FAM161A: variants seen among roughly 807,000 people sequenced by gnomAD.
The protein encoded by FAM161A is FAM161 centrosomal protein A, also known as protein FAM161A.
In FAM161A, 57 loss-of-function variants were observed where a neutral mutation model predicts 70.9. The observed-to-expected ratio is 0.80, with a 90% CI of 0.65 to 1.00. The LOEUF (loss-of-function observed/expected upper bound fraction) is 1.00, where lower values mean the gene tolerates loss of function less well. Ranked by LOEUF, FAM161A falls within the 50% of genes least tolerant of loss-of-function variation. The pLI, the probability that FAM161A is intolerant of heterozygous loss-of-function variation, is 0.00. For missense variants in FAM161A, 880 were observed against 836.0 expected (o/e 1.05, Z -0.65); for synonymous variants, 299 against 295.7 (o/e 1.01, Z -0.12).
intron 6 of FAM161A, 52 bp from the exon 7 acceptor site, chr2:61,826,651 G>A (rs576190170): frequency 1.3e-6 from 2 of 1,521,120 alleles, no homozygotes; most frequent in East Asian, 2.3e-5. Flanking sequence ...TTGGTTTAAA[G>A]GTAAACAAAC....
chr2:61,804,637 A>G, the FAM161A span, among the ~76,000 whole-genome samples: 1 of 151,762 alleles, frequency 6.6e-6, no homozygotes, highest in Non-Finnish European at 1.5e-5. Context: ...GTGAGCCAAC[A>G]TTGCAACACT....
At chr2:61,840,945 C>A (rs553892269) in intron 2 of FAM161A, among the ~76,000 whole-genome samples, 14 of 152,288 alleles carry the variant, frequency 9.2e-5, no homozygotes, top group African/African-American at 3.4e-4. Flanking sequence ...CCACTGTGCC[C>A]AGCCAAGAGT....
intron 4 of FAM161A, among the ~76,000 whole-genome samples, chr2:61,838,329 T>A (rs1046401729): frequency 6.6e-6 from 1 of 152,226 alleles, no homozygotes; most frequent in Non-Finnish European, 1.5e-5. Flanking sequence ...CATAGCTTCA[T>A]GGTTCTCACC....
intron 1 of FAM161A, among the ~76,000 whole-genome samples, chr2:61,845,226 A>C (rs1329554859): frequency 6.6e-6 from 1 of 152,184 alleles, no homozygotes; most frequent in East Asian, 1.9e-4. Context: ...AAGGAGGACT[A>C]ATAGGAGGTA....
At position 61,840,425 on chromosome 2, in the gene FAM161A, G is replaced by A. The variant is rs370002781; in HGVS notation, c.579C>T (p.Thr193=). ...KEYPRKNRMM[T]YAKELINNMW... ...TATTGTTGATGAGCTCCTTAGCATA[G>A]GTCATCATTCTGTTTTTCCTAGGAT... The change falls in exon 3 of 7, where the codon ACC becomes ACT. Residue 193 remains threonine (T), a synonymous_variant. Transcript: ENST00000404929. 6 of 1,613,932 alleles carry A rather than the reference G, an allele frequency of 3.7e-6. No homozygotes were observed. The African/African-American group carries it at 8.0e-5, about 22-fold the overall frequency.
the FAM161A span, among the ~76,000 whole-genome samples, chr2:61,808,896 C>G: frequency 6.6e-6 from 1 of 151,486 alleles, no homozygotes; most frequent in Non-Finnish European, 1.5e-5. Context: ...TTTTTTGAGA[C>G]AGAATCTCGC....
At chr2:61,843,603 G>C (rs901960133) in intron 1 of FAM161A, among the ~76,000 whole-genome samples, 5 of 152,082 alleles carry the variant, frequency 3.3e-5, no homozygotes, top group Non-Finnish European at 5.9e-5. Flanking sequence ...GATGCAAAAT[G>C]AAAAAATTTG....
chr2:61,853,754 G>T (rs745790475), intron 1 of FAM161A, 105 bp downstream of exon 1: 58 of 1,290,544 alleles, frequency 4.5e-5, no homozygotes, highest in Non-Finnish European at 5.5e-5. Context: ...TGTGCACAGG[G>T]ACCCGCGTTT....
the FAM161A span, among the ~76,000 whole-genome samples, chr2:61,814,591 T>C: frequency 6.6e-6 from 1 of 152,204 alleles, no homozygotes; most frequent in Admixed American, 6.5e-5. Context: ...GATGTGCAGC[T>C]GTAATCCCAG....
chr2:61,815,955 G>A, the FAM161A span, among the ~76,000 whole-genome samples: 2 of 151,816 alleles, frequency 1.3e-5, no homozygotes, highest in African/African-American at 2.4e-5. Flanking sequence ...CCTTTTTTCT[G>A]TGTCTTGCAA....
chr2:61,816,672 T>G, the FAM161A span, among the ~76,000 whole-genome samples: 13 of 152,036 alleles, frequency 8.6e-5, no homozygotes, highest in Admixed American at 7.2e-4. Flanking sequence ...GGTCTTGCTA[T>G]GTTGCCCAGG....
chr2:61,839,310 A>C (rs752507870), intron 3 of FAM161A, 111 bp downstream of exon 3: 90 of 895,030 alleles, frequency 1.0e-4, no homozygotes, highest in Admixed American at 3.0e-4. Flanking sequence ...TATCTTATAG[A>C]TACAATAATA....
chr2:61,804,616 T>C, the FAM161A span, among the ~76,000 whole-genome samples: 1 of 149,252 alleles, frequency 6.7e-6, no homozygotes, highest in Admixed American at 6.8e-5. Context: ...ACCTGGGAGG[T>C]GGAGATTGCA....
intron 6 of FAM161A, among the ~76,000 whole-genome samples, chr2:61,826,816 G>A (rs1007056265): frequency 6.6e-6 from 1 of 152,166 alleles, no homozygotes; most frequent in African/African-American, 2.4e-5. Flanking sequence ...AAATTTGAGT[G>A]ATTGTTTCTT....
At chr2:61,816,403 G>C in the FAM161A span, among the ~76,000 whole-genome samples, 2 of 152,112 alleles carry the variant, frequency 1.3e-5, no homozygotes, top group Non-Finnish European at 2.9e-5. Flanking sequence ...TGGTGGTTTG[G>C]GGAGTTAGGA....
At chr2:61,807,216 C>T in the FAM161A span, among the ~76,000 whole-genome samples, 1 of 151,746 alleles carries the variant, frequency 6.6e-6, no homozygotes, top group Admixed American at 6.6e-5. Context: ...GTAACAAAAG[C>T]CCAGACAACG....
At chr2:61,814,445 G>A in the FAM161A span, among the ~76,000 whole-genome samples, 82 of 152,320 alleles carry the variant, frequency 5.4e-4, 1 homozygote, top group African/African-American at 1.9e-3. Flanking sequence ...GTTATGCTCA[G>A]ACAACTGTTA....
Position 61,839,812 on chromosome 2 carries a change from G to C in FAM161A, c.1192C>G (p.Leu398Val), listed in dbSNP as rs1672935808. Residue 398 changes from leucine (L) to valine (V), a missense_variant, in exon 3 of 7, where the codon CTG (leucine) becomes GTG (valine). By Grantham distance (32) the Leu-to-Val change is conservative. Coordinates refer to ENST00000404929, the MANE Select transcript of FAM161A (RefSeq NM_001201543.2). The stretch of plus-strand genomic sequence containing the variant: ...CATCCACAAGCTGACCTACAAGGCA[G>C]AGGAGATGAGTTCTGTAAATGCTCC... ...AQEHLQNSSP[L>V]PCRSACGCRN... is the part of the protein sequence containing the mutation. The C allele has an allele frequency of 6.2e-7, 1 of 1,614,086 alleles. No individual in the cohort carries two copies. The highest frequency in any genetic ancestry group is 1.7e-5 in the Admixed American group (1 of 59,994).
rs1459508520 is a variant in FAM161A, at chr2:61,848,876, ATATATATATT to A, written c.183+4973_183+4982del. 9.2e-3 allele frequency among the ~76,000 whole-genome samples: 152 copies of A among 16,528 alleles called. 35 individuals carry two copies. The highest frequency in any genetic ancestry group is 0.011 in the African/African-American group (41 of 3,742). 10.8% of individuals were successfully genotyped at this position (16,528 alleles called of 152,430 possible). A position where few individuals can be genotyped will look rare whatever the true frequency, so the allele number is the denominator to read the frequency against. ...TATATATATATTTATATATATATTT[ATATATATATT>A]TATATATATTTATATATATATTTAT... On this transcript the variant is annotated intron_variant, in intron 1 of 6. Transcript: ENST00000404929.
Sources: allele counts gnomAD v4.1 joint callset (sites outside exome capture counted in the v4.1 genomes callset), GRCh38; gene constraint gnomAD v4.1.1; transcripts MANE v1.5; gene names NCBI Gene and HGNC (gene_info 2026-07-23, HGNC 2026-07-21).